The following CHGB variants were observed in gnomAD, a reference collection of about 807,000 sequenced individuals.
The protein encoded by CHGB is secretogranin-1.
Under a neutral mutation model 69.9 loss-of-function variants are expected in CHGB, and 46 were observed. The observed-to-expected ratio is 0.66, with a 90% CI of 0.52 to 0.84. The LOEUF is 0.84. CHGB is among the 40% of genes least tolerant of loss of function. The pLI is 0.00. For synonymous variants in CHGB, 312 were observed against 298.2 expected (o/e 1.05, Z -0.48); for missense variants, 796 against 822.2 (o/e 0.97, Z 0.39).
At chr20:5,918,297 G>A (rs1050611220) in intron 3 of CHGB, among the ~76,000 whole-genome samples, 10 of 151,758 alleles carry the variant, frequency 6.6e-5, no homozygotes, top group African/African-American at 2.2e-4. Flanking sequence ...CAGGAGAATC[G>A]CTAGAACCTG....
At position 5,925,307 on chromosome 20, in the gene CHGB, T is replaced by G. The variant is rs985035556; in HGVS notation, c.*258T>G. On this transcript the variant is annotated 3_prime_UTR_variant, in exon 5 of 5. Transcript: ENST00000378961. Reference sequence around the variant, plus strand: ...TATGACAATGACTGTGCTACTGTCTTTGGAAAAATGTTTGTCTCAGTTGGA... The same window carrying G: ...TATGACAATGACTGTGCTACTGTCTGTGGAAAAATGTTTGTCTCAGTTGGA... The G allele has an allele frequency of 1.7e-5, 4 of 236,596 alleles. No individual in the cohort carries two copies. The highest frequency in any genetic ancestry group is 1.1e-4 in the Admixed American group (2 of 17,520). 14.7% of individuals were successfully genotyped at this position (236,596 alleles called of 1,614,324 possible). A position where few individuals can be genotyped will look rare whatever the true frequency, so the allele number is the denominator to read the frequency against.
rs1042192953 is a variant in CHGB at position 5,923,823 on chromosome 20, A to G, written c.1679A>G (p.Lys560Arg). 6 of 1,614,116 alleles carry G rather than the reference A, an allele frequency of 3.7e-6. No homozygotes were observed. The highest frequency in any genetic ancestry group is 5.1e-6 in the Non-Finnish European group (6 of 1,180,046). Residue 560 changes from lysine (K) to arginine (R), a missense_variant, in exon 4 of 5, where the codon AAG (lysine) becomes AGG (arginine). Around this residue, in one of 3 missense-constraint regions of CHGB, gnomAD observed 274 missense variants for 298.9 expected, o/e 0.92. Coordinates refer to ENST00000378961, the MANE Select transcript of CHGB (RefSeq NM_001819.3). ...GAAAATGAGCTGACCTTGAACGAGA[A>G]GAATTTCTTCCCAGAATACAACTAT... ...EEENELTLNE[K>R]NFFPEYNYDW... is the part of the protein sequence containing the mutation.
intron 1 of CHGB, chr20:5,915,859 G>A (rs115154562): frequency 0.019 from 2,868 of 152,746 alleles, 93 homozygotes; most frequent in African/African-American, 0.066. Flanking sequence ...GGTAGCTGGC[G>A]CGTGCCACCA....
In CHGB at chr20:5,916,463, A is replaced by G; in HGVS notation, c.96+91A>G. 5 of 1,105,314 alleles carry G rather than the reference A, an allele frequency of 4.5e-6. No homozygotes were observed. The South Asian group carries it at 6.9e-5, about 15-fold the overall frequency. The allele number at this position is 1,105,314 out of a possible 1,614,324, so 68.5% of individuals were successfully genotyped here. A position where few individuals can be genotyped will look rare whatever the true frequency, so the allele number is the denominator to read the frequency against. On this transcript the variant is annotated intron_variant, in intron 2 of 4. Coordinates refer to ENST00000378961, the MANE Select transcript of CHGB (RefSeq NM_001819.3). ...TTATACCAAACCAAACACACGCATG[A>G]CATAATCTTACAAAGCCAGGTTTTC...
chr20:5,923,653 TAAAC>T lies in CHGB; in HGVS notation c.1512_1515del (p.Lys504AsnfsTer14). On this transcript the variant is annotated frameshift_variant, in exon 4 of 5. Coordinates refer to ENST00000378961, the MANE Select transcript of CHGB (RefSeq NM_001819.3). LOFTEE classifies it high-confidence loss of function. ...ACAGGGAGGAAGCTAGGTTTCAAGATAAACAATATAGCTCCCATCACACAGCTGA... is the reference window on the plus strand; with the variant it reads ...ACAGGGAGGAAGCTAGGTTTCAAGATAATATAGCTCCCATCACACAGCTGA... 1 of 1,614,006 alleles carries T rather than the reference TAAAC, an allele frequency of 6.2e-7. No homozygotes were observed. Among genetic ancestry groups the T allele is most frequent in the Non-Finnish European group, 8.5e-7 (1 of 1,179,986 alleles).
At chr20:5,916,756 A>G in intron 2 of CHGB, 70 bp from the exon 3 acceptor site, 1 of 1,384,868 alleles carries the variant, frequency 7.2e-7, no homozygotes, top group Non-Finnish European at 1.0e-6. Flanking sequence ...CCTTGACAGC[A>G]GCTCTGGGTT....
chr20:5,911,600 C>T lies in CHGB; in HGVS notation c.-34C>T. ...CTCGCTTCTCCGGTCCAGCCGCCATCTTCCTTTCCGCACAGGGGCCGCCGA... is the reference window on the plus strand; with the variant it reads ...CTCGCTTCTCCGGTCCAGCCGCCATTTTCCTTTCCGCACAGGGGCCGCCGA... On this transcript the variant is annotated 5_prime_UTR_variant, in exon 1 of 5. Transcript: ENST00000378961. The T allele has an allele frequency of 6.6e-7, 1 of 1,519,748 alleles. No homozygotes were observed. Among genetic ancestry groups the T allele is most frequent in the Non-Finnish European group, 8.8e-7 (1 of 1,139,280 alleles). 94.1% of individuals were successfully genotyped at this position (1,519,748 alleles called of 1,614,324 possible).
At position 5,916,812 on chromosome 20, in the gene CHGB, G is replaced by T; in HGVS notation, c.97-14G>T. 6.2e-7 allele frequency: 1 copy of T among 1,613,776 alleles called. No homozygotes were observed. The highest frequency in any genetic ancestry group is 8.5e-7 in the Non-Finnish European group (1 of 1,179,696). Reference sequence around the variant, plus strand: ...ATACCAGCTTCTCCAACCTGCTTTCGGGTTTCCCCCCAGGTGACTCGCTGC... The same window carrying T: ...ATACCAGCTTCTCCAACCTGCTTTCTGGTTTCCCCCCAGGTGACTCGCTGC... On this transcript the variant is annotated splice_polypyrimidine_tract_variant and intron_variant, in intron 2 of 4. Transcript: ENST00000378961.
At chr20:5,916,205 A>ATATATTT in intron 1 of CHGB, 121 bp from the exon 2 acceptor site, 1 of 703,290 alleles carries the variant, frequency 1.4e-6, no homozygotes, top group South Asian at 1.8e-5. Flanking sequence ...TTGTTTCCAA[A>ATATATTT]TATATTTAAG....
intron 2 of CHGB, 93 bp from the exon 3 acceptor site, chr20:5,916,733 G>C: frequency 1.8e-6 from 2 of 1,130,204 alleles, no homozygotes; most frequent in Non-Finnish European, 2.7e-6. Flanking sequence ...CCCAGGTCAC[G>C]TAATCAAGTC....
chr20:5,920,064 A>T (rs117796900), intron 3 of CHGB, among the ~76,000 whole-genome samples: 30 of 152,334 alleles, frequency 2.0e-4, no homozygotes, highest in Non-Finnish European at 4.0e-4. Context: ...TGAGCTTCAC[A>T]GCTTGATTTT....
At chr20:5,919,223 G>T (rs185037225) in intron 3 of CHGB, among the ~76,000 whole-genome samples, 8 of 152,198 alleles carry the variant, frequency 5.3e-5, no homozygotes, top group African/African-American at 1.9e-4. Context: ...TTAGATTATG[G>T]CATAGTAACT....
chr20:5,912,435 C>G (rs1298075704), intron 1 of CHGB, among the ~76,000 whole-genome samples: 2 of 151,858 alleles, frequency 1.3e-5, no homozygotes, highest in African/African-American at 2.4e-5. Flanking sequence ...CTTCTGTACT[C>G]CAGGAAAATT....
intron 1 of CHGB, among the ~76,000 whole-genome samples, chr20:5,912,630 G>GTGTGTGTGTGTGCA (rs1484971570): frequency 6.6e-6 from 1 of 151,528 alleles, no homozygotes; most frequent in Admixed American, 6.6e-5. Context: ...AAGATCTGAA[G>GTGTGTGTGTGTGCA]TGTGTGTGTG....
Position 5,923,949 on chromosome 20 carries a change from A to G in CHGB, c.1805A>G (p.Asp602Gly). 1.2e-6 allele frequency: 2 copies of G among 1,614,184 alleles called. No individual in the cohort carries two copies. Among genetic ancestry groups the G allele is most frequent in the Non-Finnish European group, 1.7e-6 (2 of 1,180,040 alleles). ...AAGCTGGACCTGAAAAGGCAATATG[A>G]CAGGGTGGCCCAACTGGACCAGCTC... is the stretch of plus-strand genomic sequence containing the variant. ...VPKLDLKRQYDRVAQLDQLLH... is the reference protein window; with the variant it reads ...VPKLDLKRQYGRVAQLDQLLH... Residue 602 changes from aspartate (D) to glycine (G), a missense_variant, in exon 4 of 5, where the codon GAC becomes GGC. By Grantham distance (94) the Asp-to-Gly change is moderately conservative. Coordinates refer to ENST00000378961, the MANE Select transcript of CHGB (RefSeq NM_001819.3).
intron 4 of CHGB, 66 bp downstream of exon 4, chr20:5,924,166 C>CCTG: frequency 6.8e-7 from 1 of 1,468,112 alleles, no homozygotes; most frequent in South Asian, 1.4e-5. Context: ...ATGTTCAAGA[C>CCTG]TATCCGATAT....
chr20:5,924,038 A>G lies in CHGB; in HGVS notation c.1894A>G (p.Thr632Ala). 3 of 1,613,568 alleles carry G rather than the reference A, an allele frequency of 1.9e-6. No homozygotes were observed. The highest frequency in any genetic ancestry group is 2.5e-6 in the Non-Finnish European group (3 of 1,179,780). ...DFYDSEEPVS[T>A]HQEAENEKDR... ...CTATGATTCTGAGGAGCCGGTGAGC[A>G]CCCACCAGGAGGCAGAAAATGAAAA... The change falls in exon 4 of 5, where the codon ACC (threonine) becomes GCC (alanine). Residue 632 changes from threonine to alanine, a missense_variant. This residue lies in a region of CHGB where 274 missense variants were observed against 298.9 expected (regional missense o/e 0.92). Coordinates refer to ENST00000378961, the MANE Select transcript of CHGB (RefSeq NM_001819.3).
intron 4 of CHGB, among the ~76,000 whole-genome samples, chr20:5,924,751 C>T (rs1199774918): frequency 6.6e-6 from 1 of 152,136 alleles, no homozygotes; most frequent in Non-Finnish European, 1.5e-5. Context: ...CCCAGAGTTC[C>T]TCATTTAGTA....
intron 3 of CHGB, among the ~76,000 whole-genome samples, chr20:5,921,476 C>T (rs1346176235): frequency 6.6e-6 from 1 of 152,158 alleles, no homozygotes; most frequent in East Asian, 1.9e-4. Context: ...CATGGGGTGC[C>T]CTTGAGTTAA....
Sources: gnomAD v4.1 joint callset for allele counts (sites outside exome capture counted in the v4.1 genomes callset) on GRCh38, gnomAD v4.1.1 for gene constraint, gnomAD v4.1.1 regional missense constraint, MANE v1.5 for transcripts, NCBI Gene and HGNC (gene_info 2026-07-23, HGNC 2026-07-21) for gene names.